GATB: variants seen among roughly 807,000 people sequenced by gnomAD.
GATB encodes the protein glutamyl-tRNA(Gln) amidotransferase subunit B, mitochondrial.
GATB carries 39 observed loss-of-function variants against 62.3 expected under a neutral mutation model. That is an observed-to-expected ratio of 0.63 (90% CI 0.48 to 0.82). The LOEUF (loss-of-function observed/expected upper bound fraction) is 0.82, where lower values mean the gene tolerates loss of function less well. Among genes scored for constraint, GATB ranks in the 40% least tolerant of loss-of-function variants. GATB has a pLI of 0.00. For missense variants in GATB, 670 were observed against 684.0 expected (o/e 0.98, Z 0.23); for synonymous variants, 276 against 258.9 (o/e 1.07, Z -0.63).
At chr4:151,733,350 C>T (rs1739305612) in intron 2 of GATB, among the ~76,000 whole-genome samples, 1 of 152,080 alleles carries the variant, frequency 6.6e-6, no homozygotes, top group Admixed American at 6.5e-5. Context: ...CCTTTAGGCA[C>T]ATAAACTAGA....
chr4:151,677,542 T>C (rs933301977), intron 11 of GATB: 2 of 152,226 alleles, frequency 1.3e-5, no homozygotes, highest in Non-Finnish European at 2.9e-5. Flanking sequence ...CCTATAGGTA[T>C]ACATCCAGCC....
chr4:151,738,724 A>T (rs1220123258), intron 2 of GATB, among the ~76,000 whole-genome samples: 1 of 152,246 alleles, frequency 6.6e-6, no homozygotes, highest in Non-Finnish European at 1.5e-5. Context: ...GTGATAAGTA[A>T]ACAGAGGTTA....
At chr4:151,689,612 T>C (rs1009305217) in intron 9 of GATB, among the ~76,000 whole-genome samples, 3 of 151,152 alleles carry the variant, frequency 2.0e-5, no homozygotes, top group Admixed American at 6.6e-5. Context: ...CAGTATTAGG[T>C]TGGTGCAAAA....
Position 151,716,871 on chromosome 4 carries a change from C to T in GATB, c.640+5G>A, listed in dbSNP as rs1347914547. 1.2e-6 allele frequency: 2 copies of T among 1,613,836 alleles called. No homozygotes were observed. Among genetic ancestry groups the T allele is most frequent in the Admixed American group, 1.7e-5 (1 of 60,004 alleles). On this transcript the variant is annotated splice_donor_5th_base_variant and intron_variant, in intron 4 of 12. Transcript: ENST00000263985. ...GGAGAAATAATGAAAACACTCCAAGCCTACCTGCCCTGTTCAAATCAATGA... is the reference window on the plus strand; with the variant it reads ...GGAGAAATAATGAAAACACTCCAAGTCTACCTGCCCTGTTCAAATCAATGA...
intron 3 of GATB, among the ~76,000 whole-genome samples, chr4:151,717,984 A>G (rs996783875): frequency 2.6e-5 from 4 of 152,208 alleles, no homozygotes; most frequent in Admixed American, 2.0e-4. Context: ...TCAATGTCTG[A>G]ATTCAGATGG....
At chr4:151,757,209 C>T (rs1739848621) in intron 2 of GATB, among the ~76,000 whole-genome samples, 1 of 152,122 alleles carries the variant, frequency 6.6e-6, no homozygotes, top group African/African-American at 2.4e-5. Context: ...GAGGGCACAC[C>T]TCCACATCTA....
At chr4:151,678,744 A>G (rs1260087765) in intron 11 of GATB, among the ~76,000 whole-genome samples, 1 of 152,200 alleles carries the variant, frequency 6.6e-6, no homozygotes, top group Non-Finnish European at 1.5e-5. Flanking sequence ...ACCTGCCACT[A>G]CTGTCGGTGC....
In GATB at chr4:151,701,491, G is replaced by A; in HGVS notation, c.1035C>T (p.Pro345=). 1 of 1,575,940 alleles carries A rather than the reference G, an allele frequency of 6.3e-7. No individual in the cohort carries two copies. Among genetic ancestry groups the A allele is most frequent in the South Asian group, 1.2e-5 (1 of 85,120 alleles). ...GAGATGTGGCGTCGTAGAGCACCAG[G>A]GGAGGCAGGTTGGGTTCTGGCATGA... ...YRFMPEPNLP[P]LVLYDATSLP... Residue 345 remains proline, a synonymous_variant, in exon 9 of 13, where the codon CCC becomes CCT. Transcript: ENST00000263985.
At chr4:151,699,697 CTCA>C (rs1400753372) in intron 9 of GATB, among the ~76,000 whole-genome samples, 5 of 152,162 alleles carry the variant, frequency 3.3e-5, no homozygotes, top group Non-Finnish European at 7.4e-5. Flanking sequence ...GGCACAGATT[CTCA>C]TACAGTGCCT....
intron 2 of GATB, among the ~76,000 whole-genome samples, chr4:151,737,431 T>C (rs1219357644): frequency 6.6e-6 from 1 of 152,178 alleles, no homozygotes; most frequent in Admixed American, 6.5e-5. Context: ...TTGGGTGCTG[T>C]TAAAGGCACT....
intron 10 of GATB, 55 bp downstream of exon 10, chr4:151,688,575 C>T: frequency 1.3e-6 from 2 of 1,534,780 alleles, no homozygotes; most frequent in Non-Finnish European, 1.8e-6. Flanking sequence ...CTATTTCCAG[C>T]ACTTCTGGAC....
At chr4:151,682,533 T>G (rs1461261742) in intron 10 of GATB, among the ~76,000 whole-genome samples, 1 of 152,172 alleles carries the variant, frequency 6.6e-6, no homozygotes, top group East Asian at 1.9e-4. Flanking sequence ...GCTGCTCTCT[T>G]CCCTCCCATT....
At chr4:151,700,300 G>A (rs1738575571) in intron 9 of GATB, among the ~76,000 whole-genome samples, 1 of 152,160 alleles carries the variant, frequency 6.6e-6, no homozygotes, top group Non-Finnish European at 1.5e-5. Context: ...GTACTTAAAA[G>A]ACAGTGATAT....
At chr4:151,704,439 A>C (rs1738669788) in intron 7 of GATB, among the ~76,000 whole-genome samples, 1 of 152,056 alleles carries the variant, frequency 6.6e-6, no homozygotes, top group South Asian at 2.1e-4. Flanking sequence ...ATATCCCTAT[A>C]GGGTACAGTA....
chr4:151,680,082 T>A (rs781610978), intron 10 of GATB, among the ~76,000 whole-genome samples, 191 bp from the exon 11 acceptor site: 1 of 152,162 alleles, frequency 6.6e-6, no homozygotes, highest in Non-Finnish European at 1.5e-5. Flanking sequence ...ATATAACAAA[T>A]TTTTGTGACT....
intron 10 of GATB, chr4:151,686,784 C>G (rs920008031): frequency 1.3e-5 from 2 of 152,274 alleles, no homozygotes; most frequent in African/African-American, 2.4e-5. Context: ...CACCCTGGCA[C>G]GCTGCACCCT....
chr4:151,719,994 G>C (rs1333267404), intron 2 of GATB: 17 of 153,076 alleles, frequency 1.1e-4, no homozygotes, highest in African/African-American at 3.9e-4. Flanking sequence ...TTCTGAAAAC[G>C]ACAGGGCCGT....
intron 2 of GATB, chr4:151,720,100 G>A (rs993436601): frequency 1.3e-5 from 2 of 152,390 alleles, no homozygotes; most frequent in Non-Finnish European, 2.9e-5. Context: ...GCCAACGGAG[G>A]GCCTGTCCCA....
rs540784528 is a variant in GATB at position 151,746,724 on chromosome 4, A to C, written c.327+12048T>G. Among the ~76,000 whole-genome samples the C allele has an allele frequency of 2.0e-5, 3 of 152,300 alleles. No homozygotes were observed. In the East Asian group the frequency reaches 5.8e-4, roughly 29 times the overall value. On this transcript the variant is annotated intron_variant, in intron 2 of 12. Transcript: ENST00000263985. ...ATAAGAAAATAAAAAGATCCTAAAA[A>C]ACATTCAGAATAAGGGTTACTAATC...
Sources: gnomAD v4.1 joint callset for allele counts (sites outside exome capture counted in the v4.1 genomes callset) on GRCh38, gnomAD v4.1.1 for gene constraint, MANE v1.5 for transcripts, NCBI Gene and HGNC (gene_info 2026-07-23, HGNC 2026-07-21) for gene names.